The following SGCD variants were observed in gnomAD, a reference collection of about 807,000 sequenced individuals.
SGCD encodes the protein delta-sarcoglycan.
SGCD carries 18 observed loss-of-function variants against 36.6 expected under a neutral mutation model. That is an observed-to-expected ratio of 0.49 (90% CI 0.34 to 0.73). The LOEUF (loss-of-function observed/expected upper bound fraction) is 0.73, where lower values mean the gene tolerates loss of function less well. Among genes scored for constraint, SGCD ranks in the 30% least tolerant of loss-of-function variants. The pLI is 0.01. For synonymous variants in SGCD, 133 were observed against 130.6 expected (o/e 1.02, Z -0.12); for missense variants, 387 against 346.7 (o/e 1.12, Z -0.92).
intron 3 of SGCD, among the ~76,000 whole-genome samples, chr5:156,136,429 A>T (rs904492639): frequency 3.3e-5 from 5 of 152,218 alleles, no homozygotes; most frequent in Non-Finnish European, 7.3e-5. Flanking sequence ...TTTTTAGAAT[A>T]AAAATATGTT....
chr5:156,096,692 A>G (rs1409480413), intron 1 of SGCD, among the ~76,000 whole-genome samples: 1 of 152,192 alleles, frequency 6.6e-6, no homozygotes, highest in Non-Finnish European at 1.5e-5. Context: ...AATAAGGGAA[A>G]CATTGTGCCT....
chr5:156,479,342 C>A, intron 3 of SGCD, among the ~76,000 whole-genome samples: 1 of 152,132 alleles, frequency 6.6e-6, no homozygotes, highest in East Asian at 1.9e-4. Context: ...GTGATCCAGC[C>A]GCCTCGGCCT....
At chr5:156,736,060 A>G (rs1429336892) in intron 7 of SGCD, among the ~76,000 whole-genome samples, 1 of 151,940 alleles carries the variant, frequency 6.6e-6, no homozygotes, top group Non-Finnish European at 1.5e-5. Flanking sequence ...TTGGCTCCAC[A>G]TTCTGCTCCC....
At chr5:155,873,442 A>G (rs1755702022) in intron 1 of SGCD, among the ~76,000 whole-genome samples, 1 of 152,214 alleles carries the variant, frequency 6.6e-6, no homozygotes, top group African/African-American at 2.4e-5. Flanking sequence ...CAAATACTGC[A>G]TGTTCTCACT....
At chr5:156,633,432 C>T (rs1356530121) in intron 6 of SGCD, among the ~76,000 whole-genome samples, 1 of 152,142 alleles carries the variant, frequency 6.6e-6, no homozygotes, top group African/African-American at 2.4e-5. Flanking sequence ...TGACTCATAA[C>T]TCCCAAACTC....
intron 1 of SGCD, among the ~76,000 whole-genome samples, chr5:155,984,459 A>G (rs531817949): frequency 9.1e-4 from 138 of 152,364 alleles, no homozygotes; most frequent in African/African-American, 3.2e-3. Context: ...TTTCATGTAC[A>G]TGACCGTTTC....
chr5:156,337,259 T>C (rs1403406646), intron 2 of SGCD, among the ~76,000 whole-genome samples: 1 of 152,220 alleles, frequency 6.6e-6, no homozygotes, highest in Non-Finnish European at 1.5e-5. Context: ...TTATATAAAC[T>C]GGTTACAATC....
intron 3 of SGCD, among the ~76,000 whole-genome samples, chr5:156,435,884 C>T (rs182834867): frequency 9.2e-5 from 14 of 152,266 alleles, no homozygotes; most frequent in East Asian, 7.7e-4. Context: ...CCAATGTTTA[C>T]GCAGGCTACC....
intron 1 of SGCD, among the ~76,000 whole-genome samples, chr5:156,040,585 G>A (rs1213651319): frequency 1.3e-5 from 2 of 152,150 alleles, no homozygotes; most frequent in Admixed American, 6.6e-5. Context: ...ATTAAAATCG[G>A]TGAGTGTGAA....
chr5:156,403,553 T>A (rs1772263587), intron 3 of SGCD, among the ~76,000 whole-genome samples: 1 of 152,138 alleles, frequency 6.6e-6, no homozygotes, highest in Non-Finnish European at 1.5e-5. Context: ...GGTGGAGGAA[T>A]GTTTGTGAGA....
At chr5:155,837,843 T>C in the SGCD span, among the ~76,000 whole-genome samples, 1 of 152,226 alleles carries the variant, frequency 6.6e-6, no homozygotes, top group Non-Finnish European at 1.5e-5. Context: ...GTGTTGAAAC[T>C]GCCTTTTAAC....
chr5:156,460,508 A>G (rs1581026402), intron 3 of SGCD, among the ~76,000 whole-genome samples: 1 of 152,192 alleles, frequency 6.6e-6, no homozygotes, highest in Admixed American at 6.5e-5. Context: ...GGTCCCAGTT[A>G]GGCATGCCAC....
chr5:156,646,925 A>G (rs1218460906), intron 6 of SGCD, among the ~76,000 whole-genome samples: 2 of 152,192 alleles, frequency 1.3e-5, no homozygotes, highest in African/African-American at 4.8e-5. Context: ...TGAACTTCAA[A>G]TGATCTCTTA....
At chr5:156,427,624 G>A (rs1457949978) in intron 3 of SGCD, among the ~76,000 whole-genome samples, 2 of 151,974 alleles carry the variant, frequency 1.3e-5, no homozygotes, top group Admixed American at 1.3e-4. Flanking sequence ...CATTTTTCAG[G>A]GGGAATCCTT....
chr5:156,645,380 TG>T (rs1763188912), intron 6 of SGCD, among the ~76,000 whole-genome samples: 1 of 152,108 alleles, frequency 6.6e-6, no homozygotes, highest in African/African-American at 2.4e-5. Flanking sequence ...AAGTAAACAA[TG>T]GTGTGAAAAT....
intron 3 of SGCD, among the ~76,000 whole-genome samples, chr5:156,396,396 A>C (rs945037561): frequency 6.6e-6 from 1 of 152,230 alleles, no homozygotes; most frequent in African/African-American, 2.4e-5. Flanking sequence ...GCCTCTCATT[A>C]GCAGCAAAAT....
At chr5:155,958,122 A>G (rs1327290409) in intron 1 of SGCD, among the ~76,000 whole-genome samples, 1 of 152,134 alleles carries the variant, frequency 6.6e-6, no homozygotes, top group East Asian at 1.9e-4. Context: ...GCAGTACTCA[A>G]GGCTGTCATC....
intron 1 of SGCD, among the ~76,000 whole-genome samples, chr5:156,058,551 G>A (rs1009252758): frequency 6.9e-6 from 1 of 145,728 alleles, no homozygotes; most frequent in East Asian, 1.9e-4. Context: ...GAGTAACTAA[G>A]ATTTAGGAGA....
At chr5:155,767,856 T>C in the SGCD span, among the ~76,000 whole-genome samples, 1 of 152,230 alleles carries the variant, frequency 6.6e-6, no homozygotes, top group Admixed American at 6.5e-5. Flanking sequence ...GCTGTTTCTC[T>C]GTACCCTTTG....
Sources: allele counts gnomAD v4.1 joint callset (sites outside exome capture counted in the v4.1 genomes callset), GRCh38; gene constraint gnomAD v4.1.1; transcripts MANE v1.5; gene names NCBI Gene and HGNC (gene_info 2026-07-23, HGNC 2026-07-21).